Variants in SPSB4 observed in about 807,000 individuals in gnomAD.
SPSB4 encodes the protein SPRY domain-containing SOCS box protein 4.
SPSB4 carries 21 observed loss-of-function variants against 20.9 expected under a neutral mutation model. The ratio of observed to expected loss-of-function variants is 1.01; its 90% confidence interval spans 0.71 to 1.45. The LOEUF is 1.45. Among genes scored for constraint, SPSB4 ranks in the 40% most tolerant of loss-of-function variants. The pLI, the probability that SPSB4 is intolerant of heterozygous loss-of-function variation, is 0.00. For missense variants in SPSB4, 399 were observed against 399.2 expected, an observed-to-expected ratio of 1.00 and a Z score of 0.00; for synonymous variants, 207 against 183.8, an observed-to-expected ratio of 1.13 and a Z score of -1.02.
Position 141,148,431 on chromosome 3 carries a change from C to G in SPSB4, c.*1162C>G, listed in dbSNP as rs1939453748. 6.5e-6 allele frequency: 1 copy of G among 153,330 alleles called. No individual in the cohort carries two copies. The highest frequency in any genetic ancestry group is 1.9e-4 in the East Asian group (1 of 5,214). The allele number at this position is 153,330 out of a possible 1,614,324, so 9.5% of individuals were successfully genotyped here. A position where few individuals can be genotyped will look rare whatever the true frequency, so the allele number is the denominator to read the frequency against. On this transcript the variant is annotated 3_prime_UTR_variant, in exon 3 of 3. Coordinates refer to ENST00000310546, the MANE Select transcript of SPSB4 (RefSeq NM_080862.3). The surrounding 1 kb of genome is among the most constrained non-coding windows in gnomAD (Gnocchi z 4.5). ...TCCGCCGCCACTGCTGCTGCCACCTCTTATATGTTTCAGACACTCTCTGCC... is the reference window on the plus strand; with the variant it reads ...TCCGCCGCCACTGCTGCTGCCACCTGTTATATGTTTCAGACACTCTCTGCC...
intron 1 of SPSB4, among the ~76,000 whole-genome samples, chr3:141,058,447 G>T (rs1215753697): frequency 1.3e-5 from 2 of 152,204 alleles, no homozygotes; most frequent in Non-Finnish European, 2.9e-5. Flanking sequence ...GTTTGGTTTT[G>T]GGGAAAAGTG....
chr3:141,089,983 A>C, intron 2 of SPSB4, among the ~76,000 whole-genome samples: 2 of 149,848 alleles, frequency 1.3e-5, no homozygotes, highest in African/African-American at 2.5e-5. Flanking sequence ...GGTGTTGGCC[A>C]CTCCCTCCCT....
At chr3:141,095,671 T>G (rs1008095205) in intron 2 of SPSB4, among the ~76,000 whole-genome samples, 13 of 152,156 alleles carry the variant, frequency 8.5e-5, no homozygotes, top group African/African-American at 3.1e-4. Context: ...TCCTGTCCCC[T>G]CGGAACATTC....
In SPSB4 at chr3:141,148,269, A is replaced by T. The variant is rs371563087; in HGVS notation, c.*1000A>T. ...CTTCTACAAGTTTGTTTCCTGTTTC[A>T]AATGTGTGTGTGATGTGCTGTTTAT... On this transcript the variant is annotated 3_prime_UTR_variant, in exon 3 of 3. Coordinates refer to ENST00000310546, the MANE Select transcript of SPSB4 (RefSeq NM_080862.3). The surrounding 1 kb of genome is among the most constrained non-coding windows in gnomAD (Gnocchi z 4.5). 1 of 152,556 alleles carries T rather than the reference A, an allele frequency of 6.6e-6. No homozygotes were observed. The highest frequency in any genetic ancestry group is 1.5e-5 in the Non-Finnish European group (1 of 68,064). 9.5% of individuals were successfully genotyped at this position (152,556 alleles called of 1,614,324 possible).
At chr3:141,068,996 C>G (rs1937942383) in intron 2 of SPSB4, among the ~76,000 whole-genome samples, 1 of 152,172 alleles carries the variant, frequency 6.6e-6, no homozygotes, top group African/African-American at 2.4e-5. Context: ...AGTGTTCTAA[C>G]CTCCTCCTTA....
chr3:141,145,238 A>G (rs1245370440), intron 2 of SPSB4, among the ~76,000 whole-genome samples: 3 of 151,182 alleles, frequency 2.0e-5, no homozygotes, highest in African/African-American at 7.3e-5. Flanking sequence ...AAAAAAAAAA[A>G]GATAAAAAAG....
chr3:141,088,737 G>T (rs889979945), intron 2 of SPSB4, among the ~76,000 whole-genome samples: 3 of 152,138 alleles, frequency 2.0e-5, no homozygotes, highest in Non-Finnish European at 2.9e-5. Context: ...ATGAGCCCAG[G>T]ATGCCCACAG....
intron 2 of SPSB4, among the ~76,000 whole-genome samples, chr3:141,084,362 C>T (rs993800302): frequency 1.3e-5 from 2 of 152,158 alleles, no homozygotes; most frequent in African/African-American, 4.8e-5. Context: ...CACCCTCATG[C>T]CGCCTGGGTG....
chr3:141,085,208 T>A (rs1938316793), intron 2 of SPSB4, among the ~76,000 whole-genome samples: 1 of 152,216 alleles, frequency 6.6e-6, no homozygotes, highest in African/African-American at 2.4e-5. Context: ...GACAGCATGC[T>A]GGAAGTACAC....
At chr3:141,127,065 G>T (rs1347007209) in intron 2 of SPSB4, among the ~76,000 whole-genome samples, 1 of 152,244 alleles carries the variant, frequency 6.6e-6, no homozygotes, top group Non-Finnish European at 1.5e-5. Context: ...ACCCAACAGT[G>T]GTCCAGGACA....
intron 2 of SPSB4, among the ~76,000 whole-genome samples, chr3:141,116,263 T>C (rs528206956): frequency 6.0e-4 from 91 of 152,338 alleles, no homozygotes; most frequent in East Asian, 3.3e-3. Context: ...GTGGAGTCCA[T>C]GTCAGCTCCC....
chr3:141,091,138 G>A (rs768210784), intron 2 of SPSB4, among the ~76,000 whole-genome samples: 4 of 152,166 alleles, frequency 2.6e-5, no homozygotes, highest in Admixed American at 6.5e-5. Context: ...TCCATGAGGA[G>A]GTTCTGTGTG....
intron 2 of SPSB4, among the ~76,000 whole-genome samples, chr3:141,125,198 A>G (rs1479709414): frequency 6.6e-6 from 1 of 152,180 alleles, no homozygotes; most frequent in East Asian, 1.9e-4. Flanking sequence ...TTTTTTTCAT[A>G]TGAAGAACTG....
In SPSB4 at chr3:141,056,754, A is replaced by AAT. The variant is rs1183503269; in HGVS notation, c.-154+4762_-154+4763insAT. On this transcript the variant is annotated intron_variant, in intron 1 of 2. Transcript: ENST00000310546. ...GCCCAGACATGCTGGGCCTCAGGGA[A>AAT]TCCAGCTGCCCTGCAAACAACCTCC... 9.3e-4 allele frequency among the ~76,000 whole-genome samples: 141 copies of AAT among 152,354 alleles called. 2 individuals carry two copies. Among genetic ancestry groups the AAT allele is most frequent in the African/African-American group, 3.2e-3 (135 of 41,590 alleles).
chr3:141,139,751 C>T (rs1398731637), intron 2 of SPSB4, among the ~76,000 whole-genome samples: 6 of 152,256 alleles, frequency 3.9e-5, no homozygotes, highest in African/African-American at 9.6e-5. Context: ...CCACCTTTCA[C>T]TCAGGCTGCC....
At chr3:141,091,874 C>T (rs1938456372) in intron 2 of SPSB4, among the ~76,000 whole-genome samples, 1 of 152,178 alleles carries the variant, frequency 6.6e-6, no homozygotes, top group Non-Finnish European at 1.5e-5. Flanking sequence ...GAGAGACTTC[C>T]TTTTGTCAGA....
intron 2 of SPSB4, among the ~76,000 whole-genome samples, chr3:141,124,573 G>A (rs137859156): frequency 3.7e-4 from 56 of 152,270 alleles, no homozygotes; most frequent in African/African-American, 1.1e-3. Context: ...GGGAGGCTGC[G>A]TTCATAATGG....
chr3:141,101,129 G>C (rs1435824017), intron 2 of SPSB4, among the ~76,000 whole-genome samples: 1 of 152,092 alleles, frequency 6.6e-6, no homozygotes, highest in Non-Finnish European at 1.5e-5. Context: ...ATGCCACCTG[G>C]ACCTTCTGAG....
chr3:141,082,641 A>G (rs1022760181), intron 2 of SPSB4, among the ~76,000 whole-genome samples: 15 of 151,932 alleles, frequency 9.9e-5, no homozygotes, highest in Non-Finnish European at 1.9e-4. Flanking sequence ...CTATCTATCT[A>G]TCTATCTATC....
Sources: allele counts gnomAD v4.1 joint callset (sites outside exome capture counted in the v4.1 genomes callset), GRCh38; gene constraint gnomAD v4.1.1; non-coding constraint Gnocchi (gnomAD v3.1); transcripts MANE v1.5; gene names NCBI Gene and HGNC (gene_info 2026-07-23, HGNC 2026-07-21).